Variants in MYO5A observed in about 807,000 individuals in gnomAD.
MYO5A encodes the protein myosin VA.
In MYO5A, 98 loss-of-function variants were observed where a neutral mutation model predicts 249.7. The ratio of observed to expected loss-of-function variants is 0.39; its 90% confidence interval spans 0.33 to 0.46. The LOEUF is 0.46. Among genes scored for constraint, MYO5A ranks in the 20% least tolerant of loss-of-function variants. MYO5A has a pLI of 0.98. For synonymous variants in MYO5A, 778 were observed against 810.6 expected, an observed-to-expected ratio of 0.96 and a Z score of 0.68; for missense variants, 1,696 against 2,308.8, an observed-to-expected ratio of 0.73 and a Z score of 5.44.
chr15:52,520,718 A>G (rs1595840000), intron 1 of MYO5A, among the ~76,000 whole-genome samples: 1 of 152,096 alleles, frequency 6.6e-6, no homozygotes, highest in Non-Finnish European at 1.5e-5. Flanking sequence ...AATGTGCCAA[A>G]CCTCTCATCC....
At chr15:52,522,215 C>A (rs2077636921) in intron 1 of MYO5A, among the ~76,000 whole-genome samples, 1 of 152,152 alleles carries the variant, frequency 6.6e-6, no homozygotes, top group African/African-American at 2.4e-5. Flanking sequence ...AGACAAAGCA[C>A]AAGGGAACTT....
At chr15:52,452,404 C>G (rs1345393453) in intron 1 of MYO5A, among the ~76,000 whole-genome samples, 3 of 152,124 alleles carry the variant, frequency 2.0e-5, no homozygotes, top group Admixed American at 2.0e-4. Flanking sequence ...GGTTACCTGA[C>G]AGAAGACCTA....
chr15:52,339,221 A>C (rs1199171841), intron 32 of MYO5A, among the ~76,000 whole-genome samples: 1 of 152,240 alleles, frequency 6.6e-6, no homozygotes, highest in Non-Finnish European at 1.5e-5. Flanking sequence ...TTTGTAATGT[A>C]AATTATCACA....
intron 20 of MYO5A, among the ~76,000 whole-genome samples, chr15:52,372,670 C>G (rs8038414): frequency 0.015 from 2,345 of 152,102 alleles, 49 homozygotes; most frequent in African/African-American, 0.054. Flanking sequence ...ATAAAAAGCA[C>G]CAGATTACCA....
chr15:52,344,512 C>T (rs2039524646), intron 30 of MYO5A, among the ~76,000 whole-genome samples: 2 of 152,186 alleles, frequency 1.3e-5, no homozygotes, highest in South Asian at 2.1e-4. Flanking sequence ...TTTCTGACTT[C>T]GTCTTCTTAT....
At chr15:52,361,307 G>C (rs535642212) in intron 24 of MYO5A, among the ~76,000 whole-genome samples, 1 of 152,130 alleles carries the variant, frequency 6.6e-6, no homozygotes, top group Non-Finnish European at 1.5e-5. Flanking sequence ...TAATAAACTG[G>C]TTGTATCACT....
At chr15:52,473,906 T>C (rs375270986) in intron 1 of MYO5A, among the ~76,000 whole-genome samples, 2 of 152,184 alleles carry the variant, frequency 1.3e-5, no homozygotes, top group East Asian at 1.9e-4. Context: ...AACTTTAAAG[T>C]AGTTTTTTCC....
rs569250790 is a variant in MYO5A, at chr15:52,457,387, C to T, written c.28-24102G>A. On this transcript the variant is annotated intron_variant, in intron 1 of 41. Transcript: ENST00000399233. Reference sequence around the variant, plus strand: ...TTAAGGCTGCAGTGCACAATGACTGCACCAGCCTAAGTGACAGAGTGAGAC... The same window carrying T: ...TTAAGGCTGCAGTGCACAATGACTGTACCAGCCTAAGTGACAGAGTGAGAC... Among the ~76,000 whole-genome samples the T allele has an allele frequency of 3.2e-4, 46 of 144,262 alleles. 1 individual carries two copies. Among genetic ancestry groups the T allele is most frequent in the African/African-American group, 9.5e-4 (37 of 38,918 alleles). 94.6% of individuals were successfully genotyped at this position (144,262 alleles called of 152,430 possible).
chr15:52,407,964 A>G, intron 7 of MYO5A, 95 bp downstream of exon 7: 1 of 858,244 alleles, frequency 1.2e-6, no homozygotes, highest in Non-Finnish European at 2.0e-6. Context: ...AAGTATTCCA[A>G]CATGAGATAA....
rs959752775 is a variant in MYO5A, at chr15:52,489,643, A to G, written c.27+39137T>C. On this transcript the variant is annotated intron_variant, in intron 1 of 41. Transcript: ENST00000399233. ...AAAGGAAACCCACATAATGAAAGGA[A>G]ATATTTGCAAATCATATATCTGATA... 3.9e-5 allele frequency among the ~76,000 whole-genome samples: 6 copies of G among 152,232 alleles called. No individual in the cohort carries two copies. The South Asian group carries it at 1.2e-3, about 32-fold the overall frequency.
At position 52,310,605 on chromosome 15, in the gene MYO5A, C is replaced by G. The variant is rs1336659783; in HGVS notation, c.*3091G>C. ...GGCTGATGGTAAGCACCAGGAAGGCCAGCAGGGGCAACTGAGGACTGACTC... is the reference window on the plus strand; with the variant it reads ...GGCTGATGGTAAGCACCAGGAAGGCGAGCAGGGGCAACTGAGGACTGACTC... On this transcript the variant is annotated 3_prime_UTR_variant, in exon 42 of 42. Coordinates refer to ENST00000399233, the MANE Select transcript of MYO5A (RefSeq NM_001382347.1). The G allele has an allele frequency of 6.6e-6, 1 of 152,304 alleles. No individual in the cohort carries two copies. The highest frequency in any genetic ancestry group is 1.5e-5 in the Non-Finnish European group (1 of 68,114). The allele number at this position is 152,304 out of a possible 1,614,324, so 9.4% of individuals were successfully genotyped here.
chr15:52,316,760 T>G (rs1716209025), intron 40 of MYO5A, among the ~76,000 whole-genome samples: 1 of 152,254 alleles, frequency 6.6e-6, no homozygotes, highest in Non-Finnish European at 1.5e-5. Flanking sequence ...AGCAGAGACT[T>G]TGTTTTGCCT....
intron 1 of MYO5A, among the ~76,000 whole-genome samples, chr15:52,502,291 TATACATAC>T (rs150161899): frequency 1.3e-5 from 2 of 151,536 alleles, no homozygotes; most frequent in African/African-American, 4.9e-5. Context: ...CCAATACATA[TATACATAC>T]ATACATACAT....
intron 1 of MYO5A, among the ~76,000 whole-genome samples, chr15:52,445,363 C>T (rs2141351579): frequency 6.6e-6 from 1 of 152,218 alleles, no homozygotes; most frequent in South Asian, 2.1e-4. Flanking sequence ...GAAGCAGATG[C>T]CGCCATGCTT....
chr15:52,412,025 G>A (rs184255888), intron 5 of MYO5A, among the ~76,000 whole-genome samples: 138 of 152,236 alleles, frequency 9.1e-4, no homozygotes, highest in African/African-American at 3.1e-3. Context: ...GTCTGTATAT[G>A]GTCTCACTAT....
intron 28 of MYO5A, 62 bp from the exon 29 acceptor site, chr15:52,348,888 A>G (rs2039798586): frequency 5.8e-6 from 9 of 1,553,580 alleles, no homozygotes; most frequent in Non-Finnish European, 7.0e-6. Flanking sequence ...TAGTTCCATA[A>G]ATAAATTTCA....
chr15:52,386,799 C>T (rs1003058075), intron 14 of MYO5A, among the ~76,000 whole-genome samples: 9 of 152,130 alleles, frequency 5.9e-5, no homozygotes, highest in South Asian at 2.1e-4. Flanking sequence ...CTGCCTGCCT[C>T]GGCCTCCCAA....
intron 34 of MYO5A, 65 bp from the exon 35 acceptor site, chr15:52,330,564 G>A: frequency 6.3e-7 from 1 of 1,584,760 alleles, no homozygotes; most frequent in Non-Finnish European, 8.7e-7. Flanking sequence ...AGGTCTCCAA[G>A]TTCCTATAAT....
intron 40 of MYO5A, 89 bp from the exon 41 acceptor site, chr15:52,314,292 G>GT: frequency 2.0e-6 from 2 of 980,828 alleles, no homozygotes; most frequent in Non-Finnish European, 3.2e-6. Flanking sequence ...GGATCTGTGC[G>GT]TACAGATTTC....
Sources: gnomAD v4.1 joint callset for allele counts (sites outside exome capture counted in the v4.1 genomes callset) on GRCh38, gnomAD v4.1.1 for gene constraint, MANE v1.5 for transcripts, NCBI Gene and HGNC (gene_info 2026-07-23, HGNC 2026-07-21) for gene names.